DUSP22: variants seen among roughly 807,000 people sequenced by gnomAD.
The protein encoded by DUSP22 is dual specificity protein phosphatase 22.
In DUSP22, 24 loss-of-function variants were observed where a neutral mutation model predicts 24.5. The observed-to-expected ratio is 0.98, with a 90% CI of 0.71 to 1.38. The LOEUF (loss-of-function observed/expected upper bound fraction) is 1.38. Among genes scored for constraint, DUSP22 ranks in the 40% most tolerant of loss-of-function variants. The probability of loss-of-function intolerance (pLI) is 0.00; values close to 1 mark genes in which losing one functional copy is unlikely to be tolerated. For synonymous variants in DUSP22, 160 were observed against 106.4 expected (o/e 1.50, Z -3.10); for missense variants, 330 against 269.2 (o/e 1.23, Z -1.58).
chr6:313,021 T>C (rs1229421409), intron 3 of DUSP22, among the ~76,000 whole-genome samples: 1 of 152,274 alleles, frequency 6.6e-6, no homozygotes, highest in Non-Finnish European at 1.5e-5. Flanking sequence ...ATGATTTTAT[T>C]GGAAATAACA....
chr6:333,560 A>G (rs1454557197), intron 3 of DUSP22, among the ~76,000 whole-genome samples: 1 of 152,296 alleles, frequency 6.6e-6, no homozygotes, highest in Non-Finnish European at 1.5e-5. Context: ...GTTGCAGTGA[A>G]CAGATCCTGC....
chr6:335,009 T>A (rs1244504953), intron 3 of DUSP22, 105 bp from the exon 4 acceptor site: 2 of 1,322,128 alleles, frequency 1.5e-6, no homozygotes, highest in Non-Finnish European at 2.1e-6. Flanking sequence ...AACTTCTCCT[T>A]TTTATTTTTT....
At chr6:296,136 T>C (rs1581138656) in intron 1 of DUSP22, among the ~76,000 whole-genome samples, 1 of 152,304 alleles carries the variant, frequency 6.6e-6, no homozygotes, top group East Asian at 1.9e-4. Context: ...TCTCTTCCTT[T>C]ATGTTTGACA....
chr6:292,788 T>C (rs1282318959), intron 1 of DUSP22, among the ~76,000 whole-genome samples: 1 of 152,040 alleles, frequency 6.6e-6, no homozygotes, highest in Non-Finnish European at 1.5e-5. Context: ...GCCGCCTGCC[T>C]TGCCAGCCGG....
At chr6:304,766 T>A in intron 2 of DUSP22, 105 bp downstream of exon 2, 1 of 1,495,710 alleles carries the variant, frequency 6.7e-7, no homozygotes, top group East Asian at 2.3e-5. Context: ...GTAATTTGCA[T>A]TGCTGTGCAG....
intron 2 of DUSP22, among the ~76,000 whole-genome samples, chr6:308,938 G>T (rs1479738978): frequency 1.3e-5 from 2 of 152,304 alleles, no homozygotes; most frequent in African/African-American, 4.8e-5. Flanking sequence ...GCCTCTACTG[G>T]GTCCTCGCCC....
chr6:323,252 G>GTT (rs1161915327), intron 3 of DUSP22, among the ~76,000 whole-genome samples: 4 of 152,388 alleles, frequency 2.6e-5, no homozygotes, highest in Admixed American at 2.6e-4. Context: ...GTGTGTGTGT[G>GTT]TGTGTGTGTG....
intron 4 of DUSP22, among the ~76,000 whole-genome samples, chr6:341,673 C>T (rs1759614718): frequency 6.6e-6 from 1 of 152,310 alleles, no homozygotes; most frequent in South Asian, 2.1e-4. Flanking sequence ...GCGAATGGCC[C>T]TATCATGATG....
intron 4 of DUSP22, among the ~76,000 whole-genome samples, chr6:343,992 G>A (rs529230455): frequency 1.9e-3 from 286 of 152,330 alleles, no homozygotes; most frequent in Non-Finnish European, 3.0e-3. Flanking sequence ...GGTAGAAGAC[G>A]TTGGAGAGGT....
At chr6:322,308 C>T (rs959004148) in intron 3 of DUSP22, among the ~76,000 whole-genome samples, 2 of 152,428 alleles carry the variant, frequency 1.3e-5, no homozygotes, top group Non-Finnish European at 2.9e-5. Context: ...CCTGTGAACA[C>T]GTGATCTTGG....
chr6:330,973 TC>T (rs1384018487), intron 3 of DUSP22, among the ~76,000 whole-genome samples: 1 of 152,302 alleles, frequency 6.6e-6, no homozygotes, highest in Non-Finnish European at 1.5e-5. Flanking sequence ...TAGAGACTGT[TC>T]CTTACTTCTT....
intron 3 of DUSP22, among the ~76,000 whole-genome samples, chr6:332,121 A>C (rs112249122): frequency 3.9e-5 from 6 of 152,306 alleles, no homozygotes; most frequent in African/African-American, 1.2e-4. Flanking sequence ...CTCTGCAGAC[A>C]TTTCAGTGAG....
Position 351,152 on chromosome 6 carries a change from C to G in DUSP22, c.*2201C>G. On this transcript the variant is annotated 3_prime_UTR_variant, in exon 7 of 7. Coordinates refer to ENST00000419235, the MANE Select transcript of DUSP22 (RefSeq NM_001286555.3). ...CCGCACTGCCTTGTGGGTGGCTTGGCGCTCGTGATTGCTTCCTGTGAACGC... is the reference window on the plus strand; with the variant it reads ...CCGCACTGCCTTGTGGGTGGCTTGGGGCTCGTGATTGCTTCCTGTGAACGC... 1 of 509,066 alleles carries G rather than the reference C, an allele frequency of 2.0e-6. No individual in the cohort carries two copies. The highest frequency in any genetic ancestry group is 3.5e-6 in the Non-Finnish European group (1 of 288,920). The allele number at this position is 509,066 out of a possible 1,614,324, so 31.5% of individuals were successfully genotyped here. A position where few individuals can be genotyped will look rare whatever the true frequency, so the allele number is the denominator to read the frequency against.
intron 3 of DUSP22, among the ~76,000 whole-genome samples, chr6:315,535 T>C (rs925435150): frequency 2.6e-5 from 4 of 152,306 alleles, no homozygotes; most frequent in Admixed American, 6.5e-5. Context: ...ATATCCTTAG[T>C]GGTATCGGTA....
At chr6:343,403 T>TGACTGGCTGGCTGCAGGGGG (rs1759704283) in intron 4 of DUSP22, among the ~76,000 whole-genome samples, 42 of 149,496 alleles carry the variant, frequency 2.8e-4, no homozygotes, top group African/African-American at 1.0e-3. Context: ...GCTGCAGGGG[T>TGACTGGCTGGCTGCAGGGGG]GCAGCTGGAC....
intron 2 of DUSP22, among the ~76,000 whole-genome samples, chr6:305,226 TTGCACCCAAGCCCCTTGCTGGG>T (rs1193590920): frequency 3.9e-5 from 6 of 152,290 alleles, no homozygotes; most frequent in Non-Finnish European, 5.9e-5. Flanking sequence ...TGGCCCCCAC[TTGCACCCAAGCCCCTTGCTGGG>T]TGCACCGCAG....
In DUSP22 at chr6:292,532, C is replaced by G. The variant is rs764966434; in HGVS notation, c.-8C>G. Reference sequence around the variant, plus strand: ...CGGCCGGGGCGCTAGCGTTCGCCTTCAGCCACCATGGGGAATGGGATGAAC... The same window carrying G: ...CGGCCGGGGCGCTAGCGTTCGCCTTGAGCCACCATGGGGAATGGGATGAAC... On this transcript the variant is annotated 5_prime_UTR_variant, in exon 1 of 7. Coordinates refer to ENST00000419235, the MANE Select transcript of DUSP22 (RefSeq NM_001286555.3). 6.2e-7 allele frequency: 1 copy of G among 1,605,652 alleles called. No homozygotes were observed. Among genetic ancestry groups the G allele is most frequent in the African/African-American group, 1.3e-5 (1 of 74,330 alleles).
intron 2 of DUSP22, among the ~76,000 whole-genome samples, chr6:305,295 G>A (rs1216284437): frequency 1.3e-5 from 2 of 152,304 alleles, no homozygotes; most frequent in African/African-American, 4.8e-5. Flanking sequence ...ATGTGAGGCT[G>A]TGCCCGCTCC....
Position 350,628 on chromosome 6 carries a change from G to A in DUSP22, c.*1677G>A, listed in dbSNP as rs1023505755. 2.0e-5 allele frequency: 29 copies of A among 1,467,734 alleles called. No homozygotes were observed. In the East Asian group the frequency reaches 2.5e-4, roughly 13 times the overall value. The allele number at this position is 1,467,734 out of a possible 1,614,324, so 90.9% of individuals were successfully genotyped here. A position where few individuals can be genotyped will look rare whatever the true frequency, so the allele number is the denominator to read the frequency against. ...AGTGTGGCTGTAGAATCATCCATCC[G>A]TCTACAGCTAAAACAATTTGCCAAT... On this transcript the variant is annotated 3_prime_UTR_variant, in exon 7 of 7. Coordinates refer to ENST00000419235, the MANE Select transcript of DUSP22 (RefSeq NM_001286555.3).
Sources: gnomAD v4.1 joint callset for allele counts (sites outside exome capture counted in the v4.1 genomes callset) on GRCh38, gnomAD v4.1.1 for gene constraint, MANE v1.5 for transcripts, NCBI Gene and HGNC (gene_info 2026-07-23, HGNC 2026-07-21) for gene names.